SMOC2: variants seen among roughly 807,000 people sequenced by gnomAD.
SMOC2 encodes SPARC related modular calcium binding 2.
SMOC2 carries 39 observed loss-of-function variants against 61.4 expected under a neutral mutation model. That is an observed-to-expected ratio of 0.64 (90% CI 0.49 to 0.83). The LOEUF (loss-of-function observed/expected upper bound fraction) is 0.83. Ranked by LOEUF, SMOC2 falls within the 40% of genes least tolerant of loss-of-function variation. The probability of loss-of-function intolerance (pLI) is 0.00; values close to 1 mark genes in which losing one functional copy is unlikely to be tolerated. For synonymous variants in SMOC2, 247 were observed against 239.9 expected (o/e 1.03, Z -0.27); for missense variants, 556 against 592.9 (o/e 0.94, Z 0.65).
At chr6:168,628,338 G>C (rs1467475386) in intron 9 of SMOC2, among the ~76,000 whole-genome samples, 2 of 152,332 alleles carry the variant, frequency 1.3e-5, no homozygotes, top group East Asian at 3.9e-4. Flanking sequence ...AGAACATCAT[G>C]CTGCCATAAA....
chr6:168,617,888 C>T (rs78066369), intron 9 of SMOC2, among the ~76,000 whole-genome samples: 8 of 152,178 alleles, frequency 5.3e-5, no homozygotes, highest in South Asian at 2.1e-4. Flanking sequence ...CTTGGAGAGG[C>T]GGGGGTCGCG....
chr6:168,629,012 C>T (rs1051912578), intron 9 of SMOC2, among the ~76,000 whole-genome samples: 2 of 152,196 alleles, frequency 1.3e-5, no homozygotes, highest in African/African-American at 4.8e-5. Flanking sequence ...GGCAGGCAGG[C>T]GAGGGGGACT....
At position 168,666,635 on chromosome 6, in the gene SMOC2, C is replaced by T. The variant is rs1787669319; in HGVS notation, c.*197C>T. The T allele has an allele frequency of 1.6e-6, 1 of 636,140 alleles. No individual in the cohort carries two copies. The allele number at this position is 636,140 out of a possible 1,614,324, so 39.4% of individuals were successfully genotyped here. ...AGAGCTGGCTTCAGAAAATTAATCA[C>T]ATACAATGTATGTGTCCTCTTTTGA... On this transcript the variant is annotated 3_prime_UTR_variant, in exon 13 of 13. Transcript: ENST00000356284.
rs373707127 is a variant in SMOC2, at chr6:168,472,365, A to G, written c.84+30911A>G. On this transcript the variant is annotated intron_variant, in intron 1 of 12. Coordinates refer to ENST00000356284, the MANE Select transcript of SMOC2 (RefSeq NM_001166412.2). Reference sequence around the variant, plus strand: ...TGAAAATCATTTGCCTGTATATGTAAGAGCTTATTTCTGGCACTTCTACTC... The same window carrying G: ...TGAAAATCATTTGCCTGTATATGTAGGAGCTTATTTCTGGCACTTCTACTC... Among the ~76,000 whole-genome samples, 277 of 152,250 alleles carry G rather than the reference A, an allele frequency of 1.8e-3. 7 individuals are homozygous for G. The South Asian group carries it at 0.051, about 28-fold the overall frequency.
chr6:168,647,741 G>GT (rs1240101740), intron 9 of SMOC2, among the ~76,000 whole-genome samples: 3 of 152,098 alleles, frequency 2.0e-5, no homozygotes, highest in African/African-American at 7.2e-5. Context: ...ATGAAAGTTA[G>GT]TTTTTTTCTT....
intron 1 of SMOC2, among the ~76,000 whole-genome samples, chr6:168,498,264 A>C (rs1782639619): frequency 6.6e-6 from 1 of 152,130 alleles, no homozygotes; most frequent in Non-Finnish European, 1.5e-5. Flanking sequence ...GGTTACTCTC[A>C]TATTCTGTAA....
At chr6:168,573,680 G>A (rs886543310) in intron 7 of SMOC2, among the ~76,000 whole-genome samples, 1 of 152,114 alleles carries the variant, frequency 6.6e-6, no homozygotes, top group African/African-American at 2.4e-5. Context: ...TGCGTGCCCT[G>A]GTATCCGCTT....
chr6:168,630,722 A>G (rs1490085467), intron 9 of SMOC2, among the ~76,000 whole-genome samples: 1 of 152,198 alleles, frequency 6.6e-6, no homozygotes, highest in African/African-American at 2.4e-5. Context: ...TCTTTTTCTC[A>G]GCATGGAACA....
chr6:168,497,999 G>A (rs1782634262), intron 1 of SMOC2, among the ~76,000 whole-genome samples: 1 of 152,156 alleles, frequency 6.6e-6, no homozygotes, highest in African/African-American at 2.4e-5. Flanking sequence ...TAACTCACGG[G>A]ACTGCACAGC....
chr6:168,642,793 C>CT (rs1038868002), intron 9 of SMOC2, among the ~76,000 whole-genome samples: 21 of 152,126 alleles, frequency 1.4e-4, no homozygotes, highest in African/African-American at 5.1e-4. Flanking sequence ...TAACACGATA[C>CT]TTTTTTTTCT....
intron 9 of SMOC2, among the ~76,000 whole-genome samples, chr6:168,648,296 C>T (rs1787098078): frequency 1.3e-5 from 2 of 152,264 alleles, no homozygotes; most frequent in South Asian, 4.1e-4. Flanking sequence ...CTGTGGGTCC[C>T]AGCCTCACCT....
intron 9 of SMOC2, among the ~76,000 whole-genome samples, chr6:168,637,409 C>T (rs1786767259): frequency 6.6e-6 from 1 of 152,182 alleles, no homozygotes; most frequent in African/African-American, 2.4e-5. Context: ...CCTGCATGCT[C>T]ATCACCTTAT....
intron 7 of SMOC2, among the ~76,000 whole-genome samples, chr6:168,582,697 G>A (rs1011804003): frequency 4.6e-5 from 7 of 152,192 alleles, no homozygotes; most frequent in African/African-American, 1.2e-4. Flanking sequence ...ATGGAGAGAC[G>A]CAGGCTCCCC....
chr6:168,468,573 C>T (rs187820337), intron 1 of SMOC2, among the ~76,000 whole-genome samples: 8 of 152,330 alleles, frequency 5.3e-5, no homozygotes, highest in South Asian at 2.1e-4. Context: ...CTCGCTTTAC[C>T]GCCCAGGCTG....
chr6:168,615,316 C>T (rs1175693926), intron 9 of SMOC2, among the ~76,000 whole-genome samples: 2 of 71,610 alleles, frequency 2.8e-5, no homozygotes, highest in Admixed American at 1.5e-4. Flanking sequence ...CAGCACGGGG[C>T]CTCTTCACAC....
chr6:168,446,082 G>T (rs901623996), intron 1 of SMOC2, among the ~76,000 whole-genome samples: 6 of 152,244 alleles, frequency 3.9e-5, no homozygotes, highest in African/African-American at 1.4e-4. Flanking sequence ...GATAAACTGG[G>T]CCGGGCGCAG....
At chr6:168,616,332 TGCTCAGGGCACAG>T (rs1376165095) in intron 9 of SMOC2, among the ~76,000 whole-genome samples, 2 of 152,206 alleles carry the variant, frequency 1.3e-5, no homozygotes, top group African/African-American at 4.8e-5. Context: ...CAGAACCAGC[TGCTCAGGGCACAG>T]GCTCAGACTC....
intron 9 of SMOC2, among the ~76,000 whole-genome samples, chr6:168,619,096 G>A (rs1377835831): frequency 1.3e-5 from 2 of 152,144 alleles, no homozygotes; most frequent in African/African-American, 2.4e-5. Flanking sequence ...GAGCAGCGCC[G>A]GTGACCGCAA....
chr6:168,602,381 T>C (rs1418018969), intron 8 of SMOC2, among the ~76,000 whole-genome samples: 1 of 152,200 alleles, frequency 6.6e-6, no homozygotes, highest in Non-Finnish European at 1.5e-5. Flanking sequence ...TTGCGGCTTG[T>C]TCATGTTATA....
Sources: gnomAD v4.1 joint callset for allele counts (sites outside exome capture counted in the v4.1 genomes callset) on GRCh38, gnomAD v4.1.1 for gene constraint, MANE v1.5 for transcripts, NCBI Gene and HGNC (gene_info 2026-07-23, HGNC 2026-07-21) for gene names.